The following PALLD variants were observed in gnomAD, a reference collection of about 807,000 sequenced individuals.
The protein encoded by PALLD is palladin.
PALLD carries 61 observed loss-of-function variants against 123.5 expected under a neutral mutation model. The ratio of observed to expected loss-of-function variants is 0.49; its 90% CI spans 0.40 to 0.61. The LOEUF (loss-of-function observed/expected upper bound fraction) is 0.61. Ranked by LOEUF, PALLD falls within the 20% of genes least tolerant of loss-of-function variation. The pLI is 0.00. For missense variants in PALLD, 1,273 were observed against 1,377.0 expected, an observed-to-expected ratio of 0.92 and a Z score of 1.20; for synonymous variants, 465 against 496.4, an observed-to-expected ratio of 0.94 and a Z score of 0.84.
intron 10 of PALLD, among the ~76,000 whole-genome samples, chr4:168,775,021 A>C (rs1352689990): frequency 6.6e-6 from 1 of 152,006 alleles, no homozygotes; most frequent in African/African-American, 2.4e-5. Context: ...TTTTTTGTAC[A>C]TAAATATGAT....
At chr4:168,700,645 C>T (rs1441500284) in intron 8 of PALLD, 1 of 152,054 alleles carries the variant, frequency 6.6e-6, no homozygotes, top group Admixed American at 6.6e-5. Context: ...TGGCCATGAA[C>T]AAAAATTGTT....
At chr4:168,620,616 A>G (rs1008993521) in intron 2 of PALLD, among the ~76,000 whole-genome samples, 3 of 152,344 alleles carry the variant, frequency 2.0e-5, no homozygotes, top group Admixed American at 6.5e-5. Context: ...TTTGTGCACT[A>G]TGTAGAGGCT....
chr4:168,668,474 G>T, intron 3 of PALLD, 106 bp downstream of exon 3: 1 of 883,406 alleles, frequency 1.1e-6, no homozygotes, highest in South Asian at 2.3e-5. Context: ...TGGCACAATG[G>T]TGTTCTAATT....
At chr4:168,728,434 A>G (rs191579913) in intron 10 of PALLD, among the ~76,000 whole-genome samples, 3 of 152,242 alleles carry the variant, frequency 2.0e-5, no homozygotes, top group Admixed American at 6.5e-5. Context: ...GGTTAGCTGT[A>G]TTCCTAGGTA....
chr4:168,730,083 C>T (rs1478438060), intron 10 of PALLD, among the ~76,000 whole-genome samples: 1 of 152,172 alleles, frequency 6.6e-6, no homozygotes, highest in Non-Finnish European at 1.5e-5. Flanking sequence ...CATGTATATA[C>T]ATTCTGAAAA....
chr4:168,873,037 C>G (rs561883359), intron 10 of PALLD, among the ~76,000 whole-genome samples: 96 of 152,282 alleles, frequency 6.3e-4, no homozygotes, highest in Non-Finnish European at 1.1e-3. Context: ...AAACACCTAG[C>G]AGCTTACCCC....
At position 168,844,362 on chromosome 4, in the gene PALLD, TATTA is replaced by T. The variant is rs1201585846; in HGVS notation, c.1965-46556_1965-46553del. ...TACAAAGTATTTTATCTACATTCTGTATTAATTCTCAACAGTCCTGTGAGATCAT... is the reference window on the plus strand; with the variant it reads ...TACAAAGTATTTTATCTACATTCTGTATTCTCAACAGTCCTGTGAGATCAT... On this transcript the variant is annotated intron_variant, in intron 10 of 21. Coordinates refer to ENST00000505667, the MANE Select transcript of PALLD (RefSeq NM_001166108.2). This position sits in a 1 kb window ranked among gnomAD's most constrained non-coding sequence, Gnocchi z 4.5. The T allele has an allele frequency of 6.6e-6, 1 of 152,258 alleles. No homozygotes were observed. The highest frequency in any genetic ancestry group is 1.9e-4 in the East Asian group (1 of 5,206). 9.4% of individuals were successfully genotyped at this position (152,258 alleles called of 1,614,324 possible). A position where few individuals can be genotyped will look rare whatever the true frequency, so the allele number is the denominator to read the frequency against.
intron 10 of PALLD, among the ~76,000 whole-genome samples, chr4:168,766,351 A>T (rs1486651021): frequency 6.6e-6 from 1 of 152,232 alleles, no homozygotes; most frequent in African/African-American, 2.4e-5. Flanking sequence ...CTTAAAAAAT[A>T]ATAAGTTCCT....
At chr4:168,838,866 C>T (rs1205614360) in intron 10 of PALLD, among the ~76,000 whole-genome samples, 2 of 152,114 alleles carry the variant, frequency 1.3e-5, no homozygotes, top group East Asian at 1.9e-4. Context: ...GTTCCTAGTT[C>T]CCAAAACAGT....
intron 6 of PALLD, 122 bp downstream of exon 6, chr4:168,685,681 G>A (rs1191549902): frequency 2.6e-6 from 2 of 768,760 alleles, no homozygotes; most frequent in Non-Finnish European, 4.7e-6. Flanking sequence ...GATTACCATG[G>A]TTACCTTTGG....
intron 2 of PALLD, among the ~76,000 whole-genome samples, chr4:168,551,484 T>A (rs749263558): frequency 3.9e-5 from 6 of 152,176 alleles, no homozygotes; most frequent in Non-Finnish European, 7.3e-5. Flanking sequence ...GGTGCATTAG[T>A]TATTAAAGGA....
At chr4:168,829,190 T>C (rs1280581623) in intron 10 of PALLD, 1 of 152,258 alleles carries the variant, frequency 6.6e-6, no homozygotes, top group Non-Finnish European at 1.5e-5. Context: ...TTCAGTGTTT[T>C]GCATCAGTGC....
intron 2 of PALLD, among the ~76,000 whole-genome samples, chr4:168,583,889 G>A (rs1377564828): frequency 6.6e-6 from 1 of 152,020 alleles, no homozygotes; most frequent in Non-Finnish European, 1.5e-5. Flanking sequence ...TCCAAACTGA[G>A]GTGGTGGTAT....
chr4:168,877,657 C>T (rs1034944797), intron 10 of PALLD: 3 of 846,344 alleles, frequency 3.5e-6, no homozygotes, highest in Admixed American at 5.4e-5. Context: ...AAGCTGAGCT[C>T]ACTCCTGGAA....
intron 10 of PALLD, among the ~76,000 whole-genome samples, chr4:168,746,070 C>CTA (rs1404179023): frequency 1.3e-5 from 2 of 152,084 alleles, no homozygotes; most frequent in Non-Finnish European, 2.9e-5. Context: ...TTATTCTGGC[C>CTA]TATACAATGT....
chr4:168,658,344 G>A lies in PALLD; in HGVS notation c.909-9846G>A, dbSNP rs1778809301. On this transcript the variant is annotated intron_variant, in intron 2 of 21. Coordinates refer to ENST00000505667, the MANE Select transcript of PALLD (RefSeq NM_001166108.2). Reference sequence around the variant, plus strand: ...TTGTCACTCAGGCTAGAGTGCAGTGGCACAATCATAGCTCACTGCTGCCTC... The same window carrying A: ...TTGTCACTCAGGCTAGAGTGCAGTGACACAATCATAGCTCACTGCTGCCTC... Among the ~76,000 whole-genome samples the A allele has an allele frequency of 5.4e-5, 8 of 147,466 alleles. No individual in the cohort carries two copies. The South Asian group carries it at 1.7e-3, about 32-fold the overall frequency.
At chr4:168,516,947 T>A (rs567948964) in intron 2 of PALLD, among the ~76,000 whole-genome samples, 2 of 152,230 alleles carry the variant, frequency 1.3e-5, no homozygotes, top group South Asian at 4.1e-4. Context: ...TTAAGGTGGG[T>A]ATAGTTAGTG....
chr4:168,891,577 T>C (rs1334487409), intron 11 of PALLD, among the ~76,000 whole-genome samples: 1 of 151,106 alleles, frequency 6.6e-6, no homozygotes, highest in Non-Finnish European at 1.5e-5. Context: ...CTTTCTCCTA[T>C]GCAAAAAACC....
At chr4:168,802,262 G>A (rs773406088) in intron 10 of PALLD, among the ~76,000 whole-genome samples, 4 of 152,120 alleles carry the variant, frequency 2.6e-5, no homozygotes, top group Non-Finnish European at 5.9e-5. Context: ...CAATAGGATC[G>A]CTCAAACAAA....
Sources: gnomAD v4.1 joint callset for allele counts (sites outside exome capture counted in the v4.1 genomes callset) on GRCh38, gnomAD v4.1.1 for gene constraint, Gnocchi (gnomAD v3.1) non-coding constraint, MANE v1.5 for transcripts, NCBI Gene and HGNC (gene_info 2026-07-23, HGNC 2026-07-21) for gene names.